MAP3K9: variants seen among roughly 807,000 people sequenced by gnomAD.
MAP3K9 encodes mitogen-activated protein kinase kinase kinase 9.
In MAP3K9, 46 loss-of-function variants were observed where a neutral mutation model predicts 95.8. The observed-to-expected ratio is 0.48, with a 90% CI of 0.38 to 0.61. MAP3K9 has a LOEUF of 0.61. Among genes scored for constraint, MAP3K9 ranks in the 20% least tolerant of loss-of-function variants. MAP3K9 has a pLI of 0.00. For synonymous variants in MAP3K9, 533 were observed against 593.8 expected (o/e 0.90, Z 1.49); for missense variants, 1,296 against 1,474.3 (o/e 0.88, Z 1.98).
At chr14:70,791,774 A>T (rs1383683361) in intron 2 of MAP3K9, among the ~76,000 whole-genome samples, 3 of 152,178 alleles carry the variant, frequency 2.0e-5, no homozygotes, top group African/African-American at 7.2e-5. Context: ...CACAGTCTTG[A>T]CTTTACATTT....
At chr14:70,777,771 G>A (rs1264097307) in intron 2 of MAP3K9, among the ~76,000 whole-genome samples, 1 of 152,172 alleles carries the variant, frequency 6.6e-6, no homozygotes, top group Non-Finnish European at 1.5e-5. Flanking sequence ...CTAGTTCTCT[G>A]CGAAGAGACA....
chr14:70,783,915 TA>T (rs2054713914), intron 2 of MAP3K9, among the ~76,000 whole-genome samples: 1 of 152,248 alleles, frequency 6.6e-6, no homozygotes, highest in Non-Finnish European at 1.5e-5. Context: ...CTTTTCTGGT[TA>T]AAATTTTTTA....
At chr14:70,773,509 A>G (rs879596440) in intron 2 of MAP3K9, among the ~76,000 whole-genome samples, 6 of 152,198 alleles carry the variant, frequency 3.9e-5, no homozygotes, top group Non-Finnish European at 8.8e-5. Flanking sequence ...GGAACCCACA[A>G]TTGCAAGATG....
At chr14:70,789,140 G>A (rs950151346) in intron 2 of MAP3K9, among the ~76,000 whole-genome samples, 5 of 152,220 alleles carry the variant, frequency 3.3e-5, no homozygotes, top group African/African-American at 1.2e-4. Context: ...TTTTTCAGAG[G>A]ACCAAGCACT....
At chr14:70,780,035 G>C (rs1267847399) in intron 2 of MAP3K9, among the ~76,000 whole-genome samples, 1 of 152,220 alleles carries the variant, frequency 6.6e-6, no homozygotes, top group Non-Finnish European at 1.5e-5. Context: ...AGGCTGGTTA[G>C]TTAACAAGAT....
intron 3 of MAP3K9, among the ~76,000 whole-genome samples, chr14:70,750,867 T>G (rs1447522530): frequency 6.6e-6 from 1 of 152,222 alleles, no homozygotes; most frequent in African/African-American, 2.4e-5. Context: ...TTAAGAAAAC[T>G]TCAGCTTTTG....
chr14:70,763,565 C>T (rs1342850704), intron 2 of MAP3K9, among the ~76,000 whole-genome samples: 1 of 151,126 alleles, frequency 6.6e-6, no homozygotes, highest in African/African-American at 2.4e-5. Flanking sequence ...AGGTCTCACT[C>T]TGTCATTCAG....
chr14:70,771,005 A>G (rs962601821), intron 2 of MAP3K9, among the ~76,000 whole-genome samples: 4 of 151,004 alleles, frequency 2.6e-5, no homozygotes, highest in African/African-American at 9.7e-5. Context: ...AAGGCAGTCA[A>G]GTGGCTGCAT....
chr14:70,773,134 A>G (rs1415101922), intron 2 of MAP3K9, among the ~76,000 whole-genome samples: 3 of 152,216 alleles, frequency 2.0e-5, no homozygotes, highest in Non-Finnish European at 4.4e-5. Context: ...TCCCCAAGGG[A>G]ACCACTGATC....
rs756279274 is a variant in MAP3K9, at chr14:70,742,343, C to A, written c.1567+8G>T. ...CTCCCACTTCCCAGCCAGTCCCCGG[C>A]CACTGACCAGAAGGGAGGCTGATGC... On this transcript the variant is annotated splice_region_variant and intron_variant, in intron 6 of 11. Transcript: ENST00000554752. 2.5e-6 allele frequency: 4 copies of A among 1,612,438 alleles called. No homozygotes were observed. The South Asian group carries it at 4.4e-5, about 18-fold the overall frequency.
chr14:70,794,735 T>C (rs1451021778), intron 2 of MAP3K9, among the ~76,000 whole-genome samples: 1 of 151,820 alleles, frequency 6.6e-6, no homozygotes, highest in East Asian at 1.9e-4. Context: ...TGGAGTGCAG[T>C]GATGCGATCT....
intron 1 of MAP3K9, among the ~76,000 whole-genome samples, chr14:70,803,356 A>AAC (rs1555373439): frequency 6.6e-6 from 1 of 150,580 alleles, no homozygotes; most frequent in Non-Finnish European, 1.5e-5. Flanking sequence ...AAAAAAAAAA[A>AAC]AAAAAACTGA....
At chr14:70,795,494 C>A (rs2054854740) in intron 2 of MAP3K9, among the ~76,000 whole-genome samples, 3 of 149,008 alleles carry the variant, frequency 2.0e-5, no homozygotes, top group Non-Finnish European at 4.5e-5. Context: ...GTATTTTTTG[C>A]AGAGATGGGA....
chr14:70,804,840 T>C (rs1050970471), intron 1 of MAP3K9, among the ~76,000 whole-genome samples: 2 of 152,094 alleles, frequency 1.3e-5, no homozygotes, highest in African/African-American at 2.4e-5. Flanking sequence ...GTTAAGCAAA[T>C]ATTATGACCT....
intron 5 of MAP3K9, among the ~76,000 whole-genome samples, chr14:70,742,949 A>G (rs2054096782): frequency 6.7e-6 from 1 of 148,786 alleles, no homozygotes; most frequent in South Asian, 2.1e-4. Flanking sequence ...GTTTGAATAG[A>G]AAATATAATC....
chr14:70,800,585 A>G (rs1444079160), intron 2 of MAP3K9, 82 bp downstream of exon 2: 3 of 1,415,944 alleles, frequency 2.1e-6, no homozygotes, highest in Admixed American at 1.9e-5. Context: ...CTAAGGTTCC[A>G]TTAGAAGTCC....
chr14:70,770,131 T>C (rs538912844), intron 2 of MAP3K9, among the ~76,000 whole-genome samples: 50 of 152,134 alleles, frequency 3.3e-4, no homozygotes, highest in South Asian at 8.3e-4. Context: ...TGGGAACACC[T>C]GGTGGTAGGG....
chr14:70,779,055 A>C (rs887767260), intron 2 of MAP3K9, among the ~76,000 whole-genome samples: 1 of 152,180 alleles, frequency 6.6e-6, no homozygotes, highest in African/African-American at 2.4e-5. Context: ...CAGCAGAGGG[A>C]ATAACGTGAG....
chr14:70,755,368 T>C (rs1299585367), intron 3 of MAP3K9, among the ~76,000 whole-genome samples: 2 of 152,206 alleles, frequency 1.3e-5, no homozygotes, highest in Non-Finnish European at 2.9e-5. Flanking sequence ...GATGGTGGCA[T>C]AACTACAAGC....
Sources: allele counts gnomAD v4.1 joint callset (sites outside exome capture counted in the v4.1 genomes callset), GRCh38; gene constraint gnomAD v4.1.1; transcripts MANE v1.5; gene names NCBI Gene and HGNC (gene_info 2026-07-23, HGNC 2026-07-21).